Variants in DPYSL2 observed in about 807,000 individuals in gnomAD.
The protein encoded by DPYSL2 is dihydropyrimidinase like 2.
A neutral mutation model predicts 69.9 loss-of-function variants in DPYSL2; 13 were observed. The ratio of observed to expected loss-of-function variants is 0.19; its 90% CI spans 0.12 to 0.30. The LOEUF (loss-of-function observed/expected upper bound fraction) is 0.30, where lower values mean the gene tolerates loss of function less well. Among genes scored for constraint, DPYSL2 ranks in the 10% least tolerant of loss-of-function variants. The pLI is 1.00. For missense variants in DPYSL2, 587 were observed against 918.9 expected, an observed-to-expected ratio of 0.64 and a Z score of 4.67; for synonymous variants, 326 against 359.1, an observed-to-expected ratio of 0.91 and a Z score of 1.04.
At chr8:26,556,481 T>C (rs1229184022) in intron 1 of DPYSL2, among the ~76,000 whole-genome samples, 1 of 130,566 alleles carries the variant, frequency 7.7e-6, no homozygotes, top group Non-Finnish European at 1.6e-5. Flanking sequence ...ATTAAATGAT[T>C]ATATCAAGAT....
intron 1 of DPYSL2, among the ~76,000 whole-genome samples, chr8:26,538,176 C>A (rs900360688): frequency 2.0e-5 from 3 of 152,104 alleles, no homozygotes; most frequent in Non-Finnish European, 4.4e-5. Flanking sequence ...ACTGTAATGT[C>A]AATTAAGAAA....
In DPYSL2 at chr8:26,514,615, C is replaced by T. The variant is rs1329974877; in HGVS notation, c.290C>T (p.Ser97Leu). ...RRAGGEPSVE[S>L]GRKVEIRRAS... is the part of the protein sequence containing the mutation. ...GCCGGCGGAGAGCCATCTGTTGAAT[C>T]GGGCCGGAAGGTGGAGATCCGGAGG... The change falls in exon 1 of 14, where the codon TCG becomes TTG. Residue 97 changes from serine to leucine, a missense_variant. Around this residue, in one of 3 missense-constraint regions of DPYSL2, gnomAD observed 85 missense variants for 77.7 expected, o/e 1.09. Coordinates refer to ENST00000521913, the MANE Select transcript of DPYSL2 (RefSeq NM_001197293.3). The surrounding 1 kb of genome is among the most constrained non-coding windows in gnomAD (Gnocchi z 8.4). The T allele has an allele frequency of 2.8e-6, 4 of 1,443,074 alleles. No individual in the cohort carries two copies. The highest frequency in any genetic ancestry group is 1.3e-5 in the South Asian group (1 of 76,140). The allele number at this position is 1,443,074 out of a possible 1,614,324, so 89.4% of individuals were successfully genotyped here.
At chr8:26,527,385 C>T (rs1025474768) in intron 1 of DPYSL2, among the ~76,000 whole-genome samples, 4 of 152,104 alleles carry the variant, frequency 2.6e-5, no homozygotes, top group African/African-American at 9.7e-5. Context: ...TGTCCTATCC[C>T]TTGTGGTGTA....
chr8:26,532,191 C>T (rs915696570), intron 1 of DPYSL2, among the ~76,000 whole-genome samples: 2 of 151,988 alleles, frequency 1.3e-5, no homozygotes, highest in African/African-American at 2.4e-5. Context: ...ATGATCAGGG[C>T]TTTCTCTTGT....
Position 26,652,510 on chromosome 8 carries a change from A to G in DPYSL2, c.1776+74A>G. The G allele has an allele frequency of 7.0e-7, 1 of 1,435,358 alleles. No individual in the cohort carries two copies. The allele number at this position is 1,435,358 out of a possible 1,614,324, so 88.9% of individuals were successfully genotyped here. ...TCAAGGCCACAAACATTTATTAAGC[A>G]CCTTGAGACAGAATATTAAGATGAA... On this transcript the variant is annotated intron_variant, in intron 12 of 13. Transcript: ENST00000521913. The surrounding 1 kb of genome is among the most constrained non-coding windows in gnomAD (Gnocchi z 6.3).
rs935436926 is a variant in DPYSL2 at position 26,609,679 on chromosome 8, C to A, written c.629-14464C>A. Among the ~76,000 whole-genome samples the A allele has an allele frequency of 1.3e-5, 2 of 152,212 alleles. No homozygotes were observed. The highest frequency in any genetic ancestry group is 4.8e-5 in the African/African-American group (2 of 41,456). On this transcript the variant is annotated intron_variant, in intron 3 of 13. Coordinates refer to ENST00000521913, the MANE Select transcript of DPYSL2 (RefSeq NM_001197293.3). The surrounding 1 kb of genome is among the most constrained non-coding windows in gnomAD (Gnocchi z 6.5). The stretch of plus-strand genomic sequence containing the variant: ...CTGGACGCTGCCGGCTGCCACCCGT[C>A]GCTGAGCTGGAGCTCCCCAGAGTGC...
chr8:26,583,929 G>A lies in DPYSL2; in HGVS notation c.574G>A (p.Asp192Asn). Residue 192 changes from aspartate to asparagine, a missense_variant, in exon 3 of 14, where the codon GAT becomes AAT. Transcript: ENST00000521913. ...QMPDQGMTSADDFFQGTKAAL... is the reference protein window; with the variant it reads ...QMPDQGMTSANDFFQGTKAAL... ...GCCTGATCAGGGAATGACGTCTGCT[G>A]ATGATTTCTTCCAAGGAACCAAGGC... 6.2e-7 allele frequency: 1 copy of A among 1,614,158 alleles called. No individual in the cohort carries two copies. Among genetic ancestry groups the A allele is most frequent in the Non-Finnish European group, 8.5e-7 (1 of 1,180,012 alleles).
Position 26,634,872 on chromosome 8 carries a change from T to C in DPYSL2, c.1098T>C (p.Ala366=), listed in dbSNP as rs750894336. ...CCAAGGTGATGAGCAAAAGCTCTGCTGAGGTCATCGCCCAGGCACGGAAGA... is the reference window on the plus strand; with the variant it reads ...CCAAGGTGATGAGCAAAAGCTCTGCCGAGGTCATCGCCCAGGCACGGAAGA... The part of the protein sequence containing the change: ...YITKVMSKSS[A]EVIAQARKKG... Residue 366 remains alanine (A), a synonymous_variant, in exon 8 of 14, where the codon GCT becomes GCC. Coordinates refer to ENST00000521913, the MANE Select transcript of DPYSL2 (RefSeq NM_001197293.3). 3 of 1,614,254 alleles carry C rather than the reference T, an allele frequency of 1.9e-6. No individual in the cohort carries two copies. Among genetic ancestry groups the C allele is most frequent in the Non-Finnish European group, 2.5e-6 (3 of 1,180,042 alleles).
At chr8:26,521,146 T>C (rs1018436363) in intron 1 of DPYSL2, among the ~76,000 whole-genome samples, 1 of 152,204 alleles carries the variant, frequency 6.6e-6, no homozygotes, top group African/African-American at 2.4e-5. Context: ...GATGGACACT[T>C]GATTTAGTTG....
intron 1 of DPYSL2, among the ~76,000 whole-genome samples, chr8:26,542,293 CA>C (rs1563379977): frequency 1.3e-5 from 2 of 151,678 alleles, no homozygotes; most frequent in East Asian, 3.9e-4. Context: ...GTTTCAAAAA[CA>C]AAACAACAAA....
At position 26,634,916 on chromosome 8, in the gene DPYSL2, G is replaced by A. The variant is rs1490553486; in HGVS notation, c.1126+16G>A. 2.5e-6 allele frequency: 4 copies of A among 1,613,618 alleles called. No individual in the cohort carries two copies. The highest frequency in any genetic ancestry group is 4.5e-5 in the East Asian group (2 of 44,888). The stretch of plus-strand genomic sequence containing the variant: ...CGGAAGAAGGGTGAGTGCTGTGGCC[G>A]GACTGGCTGATGGCAGGTGGGGAGG... On this transcript the variant is annotated intron_variant, in intron 8 of 13. Coordinates refer to ENST00000521913, the MANE Select transcript of DPYSL2 (RefSeq NM_001197293.3).
intron 7 of DPYSL2, among the ~76,000 whole-genome samples, chr8:26,630,586 T>C (rs1802746453): frequency 7.2e-6 from 1 of 139,800 alleles, no homozygotes; most frequent in Non-Finnish European, 1.6e-5. Flanking sequence ...GTGCAGGAGG[T>C]ACAACATCTC....
At chr8:26,570,717 G>A (rs1239781009) in intron 1 of DPYSL2, among the ~76,000 whole-genome samples, 1 of 127,254 alleles carries the variant, frequency 7.9e-6, no homozygotes, top group Non-Finnish European at 1.6e-5. Flanking sequence ...CTGGACAACA[G>A]AGTGAGACTC....
intron 1 of DPYSL2, among the ~76,000 whole-genome samples, chr8:26,540,904 C>A (rs200084081): frequency 0.02 from 2,001 of 101,664 alleles, no homozygotes; most frequent in African/African-American, 0.026. Flanking sequence ...GACTCTGTCT[C>A]AAAAAAAAAA....
chr8:26,645,603 GC>G lies in DPYSL2; in HGVS notation c.1425+1513del, dbSNP rs200189770. ...TTGAGATGGAGTCTCACTCTGGAGT[GC>G]AGTGGTGCGATCTCAGCTCACTGCA... is the stretch of plus-strand genomic sequence containing the variant. On this transcript the variant is annotated intron_variant, in intron 10 of 13. Coordinates refer to ENST00000521913, the MANE Select transcript of DPYSL2 (RefSeq NM_001197293.3). Among the ~76,000 whole-genome samples, 292 of 152,286 alleles carry G rather than the reference GC, an allele frequency of 1.9e-3. 3 individuals are homozygous for G. In the East Asian group the frequency reaches 0.037, roughly 19 times the overall value.
At chr8:26,635,031 A>C (rs1303679412) in intron 8 of DPYSL2, 131 bp downstream of exon 8, 1 of 1,356,676 alleles carries the variant, frequency 7.4e-7, no homozygotes, top group Non-Finnish European at 9.9e-7. Flanking sequence ...TCTGGCATTA[A>C]CCTAATTACA....
Position 26,654,659 on chromosome 8 carries a change from T to C in DPYSL2, c.1943-956T>C, listed in dbSNP as rs961191696. On this transcript the variant is annotated intron_variant, in intron 13 of 13. Transcript: ENST00000521913. This position sits in a 1 kb window ranked among gnomAD's most constrained non-coding sequence, Gnocchi z 5.0. ...GGGGATTAGAATGCCAGAAGAGGGC[T>C]ATGTCCTCAGAAAAGCCACAGCCAA... is the stretch of plus-strand genomic sequence containing the variant. Among the ~76,000 whole-genome samples the C allele has an allele frequency of 1.3e-5, 2 of 152,128 alleles. No homozygotes were observed. The highest frequency in any genetic ancestry group is 2.4e-5 in the African/African-American group (1 of 41,416).
In DPYSL2 at chr8:26,652,249, C is replaced by T. The variant is rs1803292359; in HGVS notation, c.1597-8C>T. 5 of 1,609,868 alleles carry T rather than the reference C, an allele frequency of 3.1e-6. No homozygotes were observed. The highest frequency in any genetic ancestry group is 4.2e-6 in the Non-Finnish European group (5 of 1,177,678). ...CCTGTTCTAGAGTTTACTTTGCCTTCTTCTCAGTCTCTCGAGTACAACATC... is the reference window on the plus strand; with the variant it reads ...CCTGTTCTAGAGTTTACTTTGCCTTTTTCTCAGTCTCTCGAGTACAACATC... On this transcript the variant is annotated splice_region_variant and splice_polypyrimidine_tract_variant and intron_variant, in intron 11 of 13. Transcript: ENST00000521913. The surrounding 1 kb of genome is among the most constrained non-coding windows in gnomAD (Gnocchi z 6.3).
chr8:26,521,418 CCTT>C (rs372716825), intron 1 of DPYSL2, among the ~76,000 whole-genome samples: 9 of 152,132 alleles, frequency 5.9e-5, no homozygotes, highest in African/African-American at 2.2e-4. Context: ...CTCTAATGCT[CCTT>C]CTATCCATTT....
Sources: allele counts gnomAD v4.1 joint callset (sites outside exome capture counted in the v4.1 genomes callset), GRCh38; gene constraint gnomAD v4.1.1; regional missense constraint gnomAD v4.1.1; non-coding constraint Gnocchi (gnomAD v3.1); transcripts MANE v1.5; gene names NCBI Gene and HGNC (gene_info 2026-07-23, HGNC 2026-07-21).